The following BCAR1 variants were observed in gnomAD, a reference collection of about 807,000 sequenced individuals.
BCAR1 encodes BCAR1 scaffold protein, Cas family member, also known as breast cancer anti-estrogen resistance protein 1.
In BCAR1, 30 loss-of-function variants were observed where a neutral mutation model predicts 67.6. The ratio of observed to expected loss-of-function variants is 0.44; its 90% CI spans 0.33 to 0.60. The LOEUF (loss-of-function observed/expected upper bound fraction) is 0.60. BCAR1 is among the 20% of genes least tolerant of loss of function. The pLI is 0.02. For synonymous variants in BCAR1, 626 were observed against 556.7 expected, an observed-to-expected ratio of 1.12 and a Z score of -1.75; for missense variants, 1,313 against 1,222.3, an observed-to-expected ratio of 1.07 and a Z score of -1.11.
chr16:75,264,023 G>T, intron 1 of BCAR1: 1 of 1,214,528 alleles, frequency 8.2e-7, no homozygotes, highest in Non-Finnish European at 1.0e-6. Flanking sequence ...GAATTCTCCT[G>T]GGCTGTGACT....
intron 1 of BCAR1, among the ~76,000 whole-genome samples, chr16:75,251,228 T>C (rs2151462002): frequency 6.6e-6 from 1 of 151,394 alleles, no homozygotes; most frequent in African/African-American, 2.4e-5. Flanking sequence ...GGAACCCTCC[T>C]ACCGGCTGGC....
chr16:75,258,660 A>G (rs1213965752), intron 1 of BCAR1, among the ~76,000 whole-genome samples: 1 of 152,228 alleles, frequency 6.6e-6, no homozygotes, highest in African/African-American at 2.4e-5. Flanking sequence ...TCTTTTGCTA[A>G]GACTCATTAT....
rs765381072 is a variant in BCAR1, at chr16:75,235,597, G to T, written c.1302C>A (p.Ser434Arg). 1 of 1,590,762 alleles carries T rather than the reference G, an allele frequency of 6.3e-7. No homozygotes were observed. The highest frequency in any genetic ancestry group is 8.6e-7 in the Non-Finnish European group (1 of 1,168,238). ...AGGACGCAGACTGGCTGCTGCGTGTGCTGCCGGTGCTGGAGGCCGACAGGC... is the reference window on the plus strand; with the variant it reads ...AGGACGCAGACTGGCTGCTGCGTGTTCTGCCGGTGCTGGAGGCCGACAGGC... ...GKRLSASSTG[S>R]TRSSQSASSL... The change falls in exon 5 of 7, where the codon AGC becomes AGA. Residue 434 changes from serine to arginine, a missense_variant. Ser to Arg is a moderately radical substitution (Grantham distance 110). This residue lies in a region of BCAR1 where 1,272 missense variants were observed against 1,137.5 expected (regional missense o/e 1.12). Coordinates refer to ENST00000162330, the MANE Select transcript of BCAR1 (RefSeq NM_014567.5).
rs144224170 is a variant in BCAR1 at position 75,239,855 on chromosome 16, A to G, written c.634-2511T>C. 2.9e-3 allele frequency among the ~76,000 whole-genome samples: 437 copies of G among 152,304 alleles called. 3 individuals carry two copies. The highest frequency in any genetic ancestry group is 0.01 in the African/African-American group (417 of 41,582). On this transcript the variant is annotated intron_variant, in intron 2 of 6. Transcript: ENST00000162330. ...GGGGCAAGATGAAGCTTCTAGGGCG[A>G]GGAGGGTGAAACACAGGCCCGACAG... is the stretch of plus-strand genomic sequence containing the variant.
At chr16:75,252,144 G>T (rs372042348), upstream of BCAR1, 204 of 1,493,348 alleles carry the variant, frequency 1.4e-4, 1 homozygote, top group Non-Finnish European at 1.6e-4. Context: ...GACTGTAGAC[G>T]GTCCCACCGT....
At chr16:75,231,287 G>A (rs979251245) in intron 6 of BCAR1, among the ~76,000 whole-genome samples, 3 of 151,978 alleles carry the variant, frequency 2.0e-5, no homozygotes, top group Non-Finnish European at 1.5e-5. Context: ...GTTTCACCAT[G>A]TTGGCCAAGC....
chr16:75,252,383 G>T, upstream of BCAR1: 1 of 1,503,392 alleles, frequency 6.7e-7, no homozygotes, highest in Non-Finnish European at 8.9e-7. Flanking sequence ...CAGCGACATG[G>T]GGTAGGAGAG....
intron 1 of BCAR1, among the ~76,000 whole-genome samples, chr16:75,260,948 G>C (rs1424632159): frequency 6.6e-6 from 1 of 152,082 alleles, no homozygotes; most frequent in South Asian, 2.1e-4. Flanking sequence ...GACTATTTGT[G>C]TCTTCTGCCA....
chr16:75,253,446 C>T (rs145258266), upstream of BCAR1, among the ~76,000 whole-genome samples: 197 of 152,274 alleles, frequency 1.3e-3, no homozygotes, highest in Non-Finnish European at 2.0e-3. Flanking sequence ...GGAGCTGGCC[C>T]CTGCTCCATC....
At chr16:75,236,699 A>G (rs1567596308) in intron 4 of BCAR1, 183 bp downstream of exon 4, 1 of 1,231,838 alleles carries the variant, frequency 8.1e-7, no homozygotes, top group Non-Finnish European at 1.0e-6. Flanking sequence ...GCCGACAAAG[A>G]ACCTGAGGCT....
At chr16:75,240,950 C>T (rs547926521) in intron 2 of BCAR1, among the ~76,000 whole-genome samples, 42 of 152,388 alleles carry the variant, frequency 2.8e-4, no homozygotes, top group African/African-American at 9.6e-4. Context: ...GGTCTCGCTG[C>T]TGCTCCCCAG....
chr16:75,263,675 A>C, intron 1 of BCAR1: 1 of 985,276 alleles, frequency 1.0e-6, no homozygotes. Context: ...AGCATCTTAT[A>C]ATTTCTGTGG....
intron 1 of BCAR1, among the ~76,000 whole-genome samples, chr16:75,257,542 C>T (rs2077807603): frequency 6.6e-6 from 1 of 152,182 alleles, no homozygotes; most frequent in Admixed American, 6.5e-5. Context: ...GCAGCCTCAA[C>T]CTCCTGGGCT....
chr16:75,254,015 G>T (rs917549679), upstream of BCAR1, among the ~76,000 whole-genome samples: 1 of 150,618 alleles, frequency 6.6e-6, no homozygotes, highest in Non-Finnish European at 1.5e-5. Flanking sequence ...TGGTCAGGCT[G>T]GTCTCGAACT....
intron 1 of BCAR1, among the ~76,000 whole-genome samples, chr16:75,258,740 C>T (rs2077833238): frequency 6.6e-6 from 1 of 152,210 alleles, no homozygotes; most frequent in African/African-American, 2.4e-5. Context: ...CGTGAAGAGC[C>T]AGTGTGGCCG....
chr16:75,256,752 G>A (rs954615361), intron 1 of BCAR1, among the ~76,000 whole-genome samples: 30 of 152,044 alleles, frequency 2.0e-4, no homozygotes, highest in Non-Finnish European at 3.2e-4. Flanking sequence ...CCAGGGTGCC[G>A]TTCAGAGGCT....
chr16:75,261,470 C>T (rs963590332), intron 1 of BCAR1, among the ~76,000 whole-genome samples: 7 of 152,256 alleles, frequency 4.6e-5, no homozygotes, highest in Non-Finnish European at 8.8e-5. Flanking sequence ...CCCTGCCTGC[C>T]CCGTGCTGGC....
upstream of BCAR1, chr16:75,252,454 C>T (rs1567619388): frequency 1.5e-5 from 21 of 1,421,594 alleles, no homozygotes; most frequent in Non-Finnish European, 1.8e-5. Flanking sequence ...CGAGTGGAGA[C>T]AACCTTGGCT....
upstream of BCAR1, among the ~76,000 whole-genome samples, chr16:75,254,247 G>C (rs1414179613): frequency 6.6e-6 from 1 of 152,136 alleles, no homozygotes; most frequent in East Asian, 1.9e-4. Flanking sequence ...AGGGAATCTA[G>C]GGACAGGGAC....
Sources: allele counts gnomAD v4.1 joint callset (sites outside exome capture counted in the v4.1 genomes callset), GRCh38; gene constraint gnomAD v4.1.1; regional missense constraint gnomAD v4.1.1; transcripts MANE v1.5; gene names NCBI Gene and HGNC (gene_info 2026-07-23, HGNC 2026-07-21).